NEGR1: variants seen among roughly 807,000 people sequenced by gnomAD.
NEGR1 encodes the protein IgLON family member 4.
Under a neutral mutation model 40.9 loss-of-function variants are expected in NEGR1, and 10 were observed. That is an observed-to-expected ratio of 0.24 (90% CI 0.15 to 0.42). The LOEUF (loss-of-function observed/expected upper bound fraction) is 0.42. Ranked by LOEUF, NEGR1 falls within the 10% of genes least tolerant of loss-of-function variation. The pLI is 1.00. For missense variants in NEGR1, 352 were observed against 438.9 expected (o/e 0.80, Z 1.77); for synonymous variants, 185 against 166.8 (o/e 1.11, Z -0.84).
intron 3 of NEGR1, among the ~76,000 whole-genome samples, chr1:71,766,691 G>T (rs1008910364): frequency 6.6e-6 from 1 of 152,126 alleles, no homozygotes; most frequent in Non-Finnish European, 1.5e-5. Context: ...ATATGGTTTT[G>T]ATCTGCATCC....
chr1:71,623,153 A>C (rs1287031136), intron 4 of NEGR1, among the ~76,000 whole-genome samples: 2 of 151,866 alleles, frequency 1.3e-5, no homozygotes, highest in African/African-American at 4.8e-5. Flanking sequence ...AAAAGAAAAA[A>C]ATAAGATTTA....
intron 6 of NEGR1, among the ~76,000 whole-genome samples, chr1:71,553,406 A>T (rs1325155742): frequency 6.6e-6 from 1 of 151,558 alleles, no homozygotes; most frequent in Non-Finnish European, 1.5e-5. Context: ...CTTCCTTGGT[A>T]GTTATTTAAA....
intron 6 of NEGR1, among the ~76,000 whole-genome samples, chr1:71,498,407 G>A (rs1437265749): frequency 6.6e-6 from 1 of 151,870 alleles, no homozygotes; most frequent in Non-Finnish European, 1.5e-5. Context: ...TAGAGCAGAT[G>A]TTGTGCTTTT....
intron 2 of NEGR1, among the ~76,000 whole-genome samples, chr1:71,798,692 A>G (rs979584859): frequency 4.6e-5 from 7 of 152,148 alleles, no homozygotes; most frequent in African/African-American, 1.4e-4. Context: ...CTGAAACCTA[A>G]TATTTTTTTT....
chr1:71,950,882 G>A (rs2554406), intron 1 of NEGR1, among the ~76,000 whole-genome samples: 5,549 of 151,854 alleles, frequency 0.037, 340 homozygotes, highest in African/African-American at 0.13. Flanking sequence ...ATATACACTT[G>A]CATCTTTTCT....
rs1646250337 is a variant in NEGR1, at chr1:71,402,071, A to T, written c.*5375T>A. On this transcript the variant is annotated 3_prime_UTR_variant, in exon 7 of 7. Coordinates refer to ENST00000357731, the MANE Select transcript of NEGR1 (RefSeq NM_173808.3). ...AGTTGTCTATGAAGCTAGCAATGTGATTATATGCTTTTCTTTTTCCTAGGT... is the reference window on the plus strand; with the variant it reads ...AGTTGTCTATGAAGCTAGCAATGTGTTTATATGCTTTTCTTTTTCCTAGGT... The T allele has an allele frequency of 6.6e-6, 1 of 152,054 alleles. No homozygotes were observed. The highest frequency in any genetic ancestry group is 2.1e-4 in the South Asian group (1 of 4,826). 9.4% of individuals were successfully genotyped at this position (152,054 alleles called of 1,614,324 possible).
intron 2 of NEGR1, among the ~76,000 whole-genome samples, chr1:71,879,990 C>T (rs1386598755): frequency 6.6e-6 from 1 of 152,028 alleles, no homozygotes; most frequent in Non-Finnish European, 1.5e-5. Context: ...CTTTTCATAG[C>T]AGTCCAATAT....
intron 1 of NEGR1, among the ~76,000 whole-genome samples, chr1:72,119,372 A>C: frequency 6.6e-6 from 1 of 151,942 alleles, no homozygotes; most frequent in East Asian, 1.9e-4. Context: ...CTAATTGAGT[A>C]GTATATGGTC....
At chr1:72,194,975 C>T (rs1652951035) in intron 1 of NEGR1, among the ~76,000 whole-genome samples, 1 of 152,040 alleles carries the variant, frequency 6.6e-6, no homozygotes, top group Non-Finnish European at 1.5e-5. Flanking sequence ...ATGTGCACAG[C>T]ATGTTGTATC....
chr1:71,813,726 T>C (rs1309379083), intron 2 of NEGR1, among the ~76,000 whole-genome samples: 1 of 152,116 alleles, frequency 6.6e-6, no homozygotes. Flanking sequence ...AAGATCTGAC[T>C]TTCTGCTTGT....
chr1:71,841,246 CAT>C (rs762385003), intron 2 of NEGR1, among the ~76,000 whole-genome samples: 16 of 152,080 alleles, frequency 1.1e-4, no homozygotes, highest in Non-Finnish European at 2.1e-4. Flanking sequence ...TGCATAATAA[CAT>C]AATTTTCAAA....
chr1:71,529,523 T>C (rs1336414432), intron 6 of NEGR1, among the ~76,000 whole-genome samples: 1 of 151,220 alleles, frequency 6.6e-6, no homozygotes, highest in Non-Finnish European at 1.5e-5. Flanking sequence ...GCAGAGTAGA[T>C]ACCCTTAAGC....
intron 1 of NEGR1, among the ~76,000 whole-genome samples, chr1:71,971,901 G>A (rs978734753): frequency 1.3e-5 from 2 of 152,128 alleles, no homozygotes; most frequent in Admixed American, 1.3e-4. Context: ...TTCCTCTCCT[G>A]TAGGAACAGC....
chr1:71,669,785 G>T (rs1193530283), intron 4 of NEGR1, among the ~76,000 whole-genome samples: 2 of 152,142 alleles, frequency 1.3e-5, no homozygotes, highest in Admixed American at 1.3e-4. Context: ...TGAGTAGCTG[G>T]GATTACAGGC....
intron 1 of NEGR1, among the ~76,000 whole-genome samples, chr1:72,163,164 T>C (rs1335371059): frequency 6.6e-6 from 1 of 152,172 alleles, no homozygotes; most frequent in Non-Finnish European, 1.5e-5. Context: ...AACAGTATTC[T>C]ATCCTGCTGC....
chr1:72,216,923 TTATA>T (rs71713474), intron 1 of NEGR1, among the ~76,000 whole-genome samples: 5,776 of 151,468 alleles, frequency 0.038, 339 homozygotes, highest in African/African-American at 0.13. Context: ...TTGTCATTCT[TTATA>T]TACTTAATTT....
At chr1:71,749,539 T>C (rs760789253) in intron 3 of NEGR1, among the ~76,000 whole-genome samples, 3 of 152,176 alleles carry the variant, frequency 2.0e-5, no homozygotes, top group Non-Finnish European at 4.4e-5. Flanking sequence ...TTTGAGCTCG[T>C]GTCCCTGACA....
chr1:71,491,463 G>C (rs1646927039), intron 6 of NEGR1, among the ~76,000 whole-genome samples: 1 of 151,906 alleles, frequency 6.6e-6, no homozygotes, highest in African/African-American at 2.4e-5. Context: ...GGCTAAAGAT[G>C]AAAATAATGG....
At chr1:72,258,354 T>C (rs1257493470) in intron 1 of NEGR1, among the ~76,000 whole-genome samples, 1 of 152,144 alleles carries the variant, frequency 6.6e-6, no homozygotes, top group Non-Finnish European at 1.5e-5. Flanking sequence ...AACCATGGAA[T>C]GGGCTTTTAG....
Sources: allele counts gnomAD v4.1 joint callset (sites outside exome capture counted in the v4.1 genomes callset), GRCh38; gene constraint gnomAD v4.1.1; transcripts MANE v1.5; gene names NCBI Gene and HGNC (gene_info 2026-07-23, HGNC 2026-07-21).